The following GABRA3 variants were observed in gnomAD, a reference collection of about 807,000 sequenced individuals.
The protein encoded by GABRA3 is gamma-aminobutyric acid receptor subunit alpha-3.
A neutral mutation model predicts 30.1 loss-of-function variants in GABRA3; 10 were observed. That is an observed-to-expected ratio of 0.33 (90% CI 0.20 to 0.56). The LOEUF (loss-of-function observed/expected upper bound fraction) is 0.56. GABRA3 is among the 20% of genes least tolerant of loss of function. The pLI is 0.89. For synonymous variants in GABRA3, 151 were observed against 146.8 expected, an observed-to-expected ratio of 1.03 and a Z score of -0.21; for missense variants, 233 against 392.0, an observed-to-expected ratio of 0.59 and a Z score of 3.42.
chrX:152,277,100 T>C (rs563736929), intron 4 of GABRA3, among the ~76,000 whole-genome samples: 3 of 111,732 alleles, frequency 2.7e-5, no homozygotes, highest in Non-Finnish European at 5.6e-5. Flanking sequence ...CAGCCTAAAA[T>C]AGAAAAAGGT....
At chrX:152,232,141 A>G (rs887078485) in intron 5 of GABRA3, among the ~76,000 whole-genome samples, 3 of 111,716 alleles carry the variant, frequency 2.7e-5, no homozygotes, top group Admixed American at 9.6e-5. Flanking sequence ...TAAATTTTAT[A>G]ATATGTAAGT....
At chrX:152,199,323 G>A (rs1318573189) in intron 7 of GABRA3, among the ~76,000 whole-genome samples, 5 of 103,671 alleles carry the variant, frequency 4.8e-5, no homozygotes, top group Non-Finnish European at 6.0e-5. Flanking sequence ...CCAAGGTCGT[G>A]CCACTGCACT....
chrX:152,185,904 AT>A (rs1298801878), intron 9 of GABRA3, among the ~76,000 whole-genome samples: 1 of 111,893 alleles, frequency 8.9e-6, no homozygotes, highest in Non-Finnish European at 1.9e-5. Flanking sequence ...TCCCAGGTCT[AT>A]TTTTTTGTAC....
intron 1 of GABRA3, among the ~76,000 whole-genome samples, chrX:152,371,215 C>T (rs411018): frequency 0.097 from 10,701 of 110,709 alleles, 888 homozygotes; most frequent in East Asian, 0.42. Context: ...ATTCACTCTC[C>T]CACTCTCAAG....
chrX:152,215,126 T>C (rs753944556), intron 6 of GABRA3, among the ~76,000 whole-genome samples: 4 of 108,647 alleles, frequency 3.7e-5, no homozygotes, highest in East Asian at 5.9e-4. Context: ...GGATGCCTTT[T>C]ATTTCTTTCT....
At chrX:152,238,531 T>A (rs1268061536) in intron 5 of GABRA3, among the ~76,000 whole-genome samples, 4 of 108,153 alleles carry the variant, frequency 3.7e-5, no homozygotes, top group Admixed American at 2.0e-4. Context: ...GAGGATTCAC[T>A]CTTTTTCTAT....
At chrX:152,448,799 G>T (rs1767343662) in intron 1 of GABRA3, among the ~76,000 whole-genome samples, 1 of 110,806 alleles carries the variant, frequency 9.0e-6, no homozygotes. Context: ...CACGCCTATT[G>T]TCCGGATGCC....
intron 3 of GABRA3, among the ~76,000 whole-genome samples, chrX:152,305,911 G>A (rs1267482548): frequency 9.0e-6 from 1 of 111,633 alleles, no homozygotes; most frequent in Non-Finnish European, 1.9e-5. Context: ...TTACATATTA[G>A]TGAGAAAGAA....
intron 2 of GABRA3, among the ~76,000 whole-genome samples, chrX:152,346,345 G>T (rs192695577): frequency 9.0e-6 from 1 of 111,254 alleles, no homozygotes; most frequent in Non-Finnish European, 1.9e-5. Flanking sequence ...ACATCAAAAT[G>T]GATTAAAAGA....
At chrX:152,386,924 T>G (rs1461963971) in intron 1 of GABRA3, among the ~76,000 whole-genome samples, 11 of 105,653 alleles carry the variant, frequency 1.0e-4, no homozygotes, top group East Asian at 3.0e-4. Flanking sequence ...TAGACTGGAT[T>G]AAGAAAATGT....
intron 3 of GABRA3, among the ~76,000 whole-genome samples, chrX:152,319,527 G>A (rs1939929806): frequency 8.9e-6 from 1 of 111,980 alleles, no homozygotes; most frequent in Admixed American, 9.5e-5. Context: ...CAAGCCACAT[G>A]TAGGAGAATG....
intron 5 of GABRA3, among the ~76,000 whole-genome samples, chrX:152,255,316 T>C (rs1009269344): frequency 3.6e-5 from 4 of 111,996 alleles, no homozygotes; most frequent in African/African-American, 1.3e-4. Flanking sequence ...TATAAAACAC[T>C]GTATGTTTCA....
chrX:152,449,633 G>A (rs982474805), intron 1 of GABRA3, among the ~76,000 whole-genome samples: 6 of 110,926 alleles, frequency 5.4e-5, no homozygotes, highest in South Asian at 3.8e-4. Context: ...TACTCTACAC[G>A]AAAGCCAGGC....
At chrX:152,371,357 T>C (rs758836203) in intron 1 of GABRA3, among the ~76,000 whole-genome samples, 1 of 111,583 alleles carries the variant, frequency 9.0e-6, no homozygotes, top group African/African-American at 3.3e-5. Context: ...ATATCAACTA[T>C]ACCAACCTAC....
At chrX:152,308,249 C>G (rs944839614) in intron 3 of GABRA3, among the ~76,000 whole-genome samples, 4 of 112,816 alleles carry the variant, frequency 3.5e-5, no homozygotes, top group African/African-American at 1.3e-4. Context: ...AGGATCACTA[C>G]TGGGTGTACC....
intron 5 of GABRA3, among the ~76,000 whole-genome samples, chrX:152,238,737 GA>G (rs1283580785): frequency 9.4e-6 from 1 of 106,947 alleles, no homozygotes; most frequent in African/African-American, 3.4e-5. Context: ...TGTATGTGTC[GA>G]GGAATTTATC....
At chrX:152,220,023 T>C (rs1937802114) in intron 6 of GABRA3, among the ~76,000 whole-genome samples, 1 of 111,732 alleles carries the variant, frequency 8.9e-6, no homozygotes, top group African/African-American at 3.2e-5. Context: ...GAGTAATCTT[T>C]CCATATATTA....
At chrX:152,228,097 T>C (rs1279976292) in intron 5 of GABRA3, among the ~76,000 whole-genome samples, 3 of 111,758 alleles carry the variant, frequency 2.7e-5, no homozygotes, top group African/African-American at 9.7e-5. Flanking sequence ...ACATATGCAG[T>C]TAACCATTGA....
At chrX:152,388,048 T>C (rs1929373040) in intron 1 of GABRA3, among the ~76,000 whole-genome samples, 1 of 112,270 alleles carries the variant, frequency 8.9e-6, no homozygotes, top group Non-Finnish European at 1.9e-5. Flanking sequence ...TGAATGTGCA[T>C]ACTAACAGAA....
Sources: gnomAD v4.1 joint callset for allele counts (sites outside exome capture counted in the v4.1 genomes callset) on GRCh38, gnomAD v4.1.1 for gene constraint, MANE v1.5 for transcripts, NCBI Gene and HGNC (gene_info 2026-07-23, HGNC 2026-07-21) for gene names.